PREPL: variants seen among roughly 807,000 people sequenced by gnomAD.
PREPL encodes prolyl endopeptidase-like.
PREPL carries 77 observed loss-of-function variants against 70.6 expected under a neutral mutation model. That is an observed-to-expected ratio of 1.09 (90% CI 0.91 to 1.32). The LOEUF (loss-of-function observed/expected upper bound fraction) is 1.32, where lower values mean the gene tolerates loss of function less well. PREPL is among the 40% of genes most tolerant of loss of function. PREPL has a pLI of 0.00. For missense variants in PREPL, 1,002 were observed against 778.2 expected (o/e 1.29, Z -3.42); for synonymous variants, 315 against 264.8 (o/e 1.19, Z -1.84).
intron 5 of PREPL, among the ~76,000 whole-genome samples, chr2:44,339,749 C>T (rs905413819): frequency 6.6e-6 from 1 of 152,138 alleles, no homozygotes; most frequent in African/African-American, 2.4e-5. Flanking sequence ...TTCTCAATCA[C>T]ATGAGTAGAT....
At chr2:44,357,040 G>A (rs921144264) in intron 1 of PREPL, among the ~76,000 whole-genome samples, 2 of 152,278 alleles carry the variant, frequency 1.3e-5, no homozygotes, top group East Asian at 1.9e-4. Context: ...TCCTGAGCTC[G>A]GACAATCTGC....
Position 44,318,159 on chromosome 2 carries a change from C to T in PREPL, c.*3197G>A, listed in dbSNP as rs72802996. On this transcript the variant is annotated 3_prime_UTR_variant, in exon 14 of 14. Transcript: ENST00000409411. Reference sequence around the variant, plus strand: ...ATGCTCGAGTGCAGTGGCGTGATCTCGGCACACTGCAGCCTCTGCTTCCTG... The same window carrying T: ...ATGCTCGAGTGCAGTGGCGTGATCTTGGCACACTGCAGCCTCTGCTTCCTG... The T allele has an allele frequency of 0.076, 33,074 of 434,118 alleles. 1,579 individuals carry two copies. The highest frequency in any genetic ancestry group is 0.1 in the Non-Finnish European group (22,054 of 216,824). 26.9% of individuals were successfully genotyped at this position (434,118 alleles called of 1,614,324 possible). A position where few individuals can be genotyped will look rare whatever the true frequency, so the allele number is the denominator to read the frequency against.
chr2:44,318,577 TAAAGAA>T lies in PREPL; in HGVS notation c.*2773_*2778del, dbSNP rs1672633826. On this transcript the variant is annotated 3_prime_UTR_variant, in exon 14 of 14. Coordinates refer to ENST00000409411, the MANE Select transcript of PREPL (RefSeq NM_001171613.2). ...GAATGGTAACATATCACCAACTGTGTAAAGAAAAATATATAAACATATGAAATGATA... is the reference window on the plus strand; with the variant it reads ...GAATGGTAACATATCACCAACTGTGTAAATATATAAACATATGAAATGATA... The T allele has an allele frequency of 1.3e-5, 2 of 152,922 alleles. No homozygotes were observed. The highest frequency in any genetic ancestry group is 1.3e-4 in the Admixed American group (2 of 15,384). The allele number at this position is 152,922 out of a possible 1,614,324, so 9.5% of individuals were successfully genotyped here. A position where few individuals can be genotyped will look rare whatever the true frequency, so the allele number is the denominator to read the frequency against.
intron 7 of PREPL, among the ~76,000 whole-genome samples, chr2:44,336,588 T>C (rs369925230): frequency 2.0e-5 from 3 of 152,082 alleles, no homozygotes; most frequent in Non-Finnish European, 4.4e-5. Flanking sequence ...ACTATACTTA[T>C]TACCTGGGTG....
At chr2:44,328,438 CAAAAA>C (rs1194898905) in intron 9 of PREPL, among the ~76,000 whole-genome samples, 723 of 61,208 alleles carry the variant, frequency 0.012, 3 homozygotes, top group South Asian at 0.029. Flanking sequence ...CTGTCTCAAA[CAAAAA>C]AAAAAAAAAA....
At position 44,317,835 on chromosome 2, in the gene PREPL, C is replaced by A; in HGVS notation, c.*3521G>T. 1 of 169,462 alleles carries A rather than the reference C, an allele frequency of 5.9e-6. No individual in the cohort carries two copies. The highest frequency in any genetic ancestry group is 6.2e-5 in the Admixed American group (1 of 16,178). 10.5% of individuals were successfully genotyped at this position (169,462 alleles called of 1,614,324 possible). A position where few individuals can be genotyped will look rare whatever the true frequency, so the allele number is the denominator to read the frequency against. On this transcript the variant is annotated 3_prime_UTR_variant, in exon 14 of 14. Coordinates refer to ENST00000409411, the MANE Select transcript of PREPL (RefSeq NM_001171613.2). ...GCTTCCGAATTATGTCTAAATAATACAATAATTACAAATATGAATGGGTTA... is the reference window on the plus strand; with the variant it reads ...GCTTCCGAATTATGTCTAAATAATAAAATAATTACAAATATGAATGGGTTA...
upstream of PREPL, chr2:44,361,852 G>C: frequency 3.1e-6 from 4 of 1,305,080 alleles, no homozygotes; most frequent in Non-Finnish European, 2.9e-6. Flanking sequence ...GGAGATGCGA[G>C]TACCGGAAAT....
At chr2:44,325,688 A>G (rs1673424373) in intron 10 of PREPL, among the ~76,000 whole-genome samples, 1 of 151,844 alleles carries the variant, frequency 6.6e-6, no homozygotes, top group South Asian at 2.1e-4. Flanking sequence ...TATTCTCCAC[A>G]TTTTTCTGTT....
In PREPL at chr2:44,320,295, C is replaced by T; in HGVS notation, c.*1061G>A. The T allele has an allele frequency of 6.2e-7, 1 of 1,614,090 alleles. No homozygotes were observed. The highest frequency in any genetic ancestry group is 8.5e-7 in the Non-Finnish European group (1 of 1,179,950). On this transcript the variant is annotated 3_prime_UTR_variant, in exon 14 of 14. Coordinates refer to ENST00000409411, the MANE Select transcript of PREPL (RefSeq NM_001171613.2). ...ACTCCTCAACAGGGGCTGGTTTTGC[C>T]ATTTGAGGAATGACAGCCACTATGT...
At chr2:44,344,077 A>G (rs113161801) in intron 3 of PREPL, 126 bp from the exon 4 acceptor site, 6 of 133,610 alleles carry the variant, frequency 4.5e-5, no homozygotes, top group Non-Finnish European at 7.4e-5. Context: ...TTCTTTCAAC[A>G]ATGATGGCAG....
intron 1 of PREPL, among the ~76,000 whole-genome samples, chr2:44,355,658 A>T (rs553871615): frequency 6.6e-6 from 1 of 152,152 alleles, no homozygotes; most frequent in South Asian, 2.1e-4. Context: ...TTCTTCTAAA[A>T]TGCAAATCTG....
At position 44,339,179 on chromosome 2, in the gene PREPL, G is replaced by C. The variant is rs78929172; in HGVS notation, c.670C>G (p.Leu224Val). The stretch of plus-strand genomic sequence containing the variant: ...TCTGTAGGTTCTCCAACATTAGTGA[G>C]AATGTATAATTCATCATCTCTGTGT... The part of the protein sequence containing the change: ...VEHRDDELYI[L>V]TNVGEPTEFK... Residue 224 changes from leucine (L) to valine (V), a missense_variant, in exon 6 of 14, where the codon CTC becomes GTC. Leu to Val is a conservative substitution (Grantham distance 32, BLOSUM62 1). Transcript: ENST00000409411. The C allele has an allele frequency of 6.2e-6, 10 of 1,614,002 alleles. No homozygotes were observed. Among genetic ancestry groups the C allele is most frequent in the East Asian group, 2.2e-5 (1 of 44,870 alleles).
At chr2:44,356,810 AT>A (rs60067050) in intron 1 of PREPL, among the ~76,000 whole-genome samples, 97,783 of 148,112 alleles carry the variant, frequency 0.66, 32,578 homozygotes, top group African/African-American at 0.72. Flanking sequence ...GAAACTCCCT[AT>A]TTTTTTTTTT....
At chr2:44,355,731 A>G (rs920635903) in intron 1 of PREPL, among the ~76,000 whole-genome samples, 28 of 145,348 alleles carry the variant, frequency 1.9e-4, no homozygotes, top group Middle Eastern at 3.6e-3. Context: ...AACTTTTTGC[A>G]AGATATACAA....
chr2:44,354,483 C>T (rs958651468), intron 1 of PREPL, among the ~76,000 whole-genome samples: 2 of 152,094 alleles, frequency 1.3e-5, no homozygotes, highest in African/African-American at 4.8e-5. Flanking sequence ...CTACTATCTA[C>T]ATGTAACAAC....
At chr2:44,355,548 CA>C (rs1342238564) in intron 1 of PREPL, among the ~76,000 whole-genome samples, 2 of 151,410 alleles carry the variant, frequency 1.3e-5, no homozygotes, top group South Asian at 2.1e-4. Flanking sequence ...GACACTGTCT[CA>C]AAAAAAAGCA....
chr2:44,321,570 T>C, intron 13 of PREPL, 125 bp from the exon 14 acceptor site: 1 of 1,499,462 alleles, frequency 6.7e-7, no homozygotes. Context: ...CAAGAATACT[T>C]TCATTCGAGA....
At chr2:44,352,243 T>C (rs1481184257) in intron 1 of PREPL, among the ~76,000 whole-genome samples, 2 of 152,182 alleles carry the variant, frequency 1.3e-5, no homozygotes, top group Admixed American at 6.5e-5. Flanking sequence ...TTGACCCACT[T>C]TGTATTTCAT....
At chr2:44,334,708 G>C (rs1345321710) in intron 7 of PREPL, among the ~76,000 whole-genome samples, 1 of 152,086 alleles carries the variant, frequency 6.6e-6, no homozygotes, top group African/African-American at 2.4e-5. Context: ...ACCACGCCTG[G>C]CTAGTTTTTG....
Sources: allele counts gnomAD v4.1 joint callset (sites outside exome capture counted in the v4.1 genomes callset), GRCh38; gene constraint gnomAD v4.1.1; transcripts MANE v1.5; gene names NCBI Gene and HGNC (gene_info 2026-07-23, HGNC 2026-07-21).